The following FOXN3 variants were observed in gnomAD, a reference collection of about 807,000 sequenced individuals.
FOXN3 encodes the protein forkhead box protein N3.
FOXN3 carries 7 observed loss-of-function variants against 38.4 expected under a neutral mutation model. That is an observed-to-expected ratio of 0.18 (90% CI 0.10 to 0.34). The LOEUF is 0.34. FOXN3 is among the 10% of genes least tolerant of loss of function. The probability of loss-of-function intolerance (pLI) is 1.00; values close to 1 mark genes in which losing one functional copy is unlikely to be tolerated. For missense variants in FOXN3, 456 were observed against 613.4 expected (o/e 0.74, Z 2.71); for synonymous variants, 230 against 242.2 (o/e 0.95, Z 0.47).
At chr14:89,396,661 G>A (rs181269292) in intron 2 of FOXN3, among the ~76,000 whole-genome samples, 248 of 152,058 alleles carry the variant, frequency 1.6e-3, no homozygotes, top group African/African-American at 5.7e-3. Context: ...GTGAAACCCC[G>A]TCTCTACTAA....
intron 2 of FOXN3, among the ~76,000 whole-genome samples, chr14:89,386,534 T>C (rs1446894877): frequency 1.3e-5 from 2 of 152,168 alleles, no homozygotes; most frequent in African/African-American, 2.4e-5. Flanking sequence ...GTTTTGAGAA[T>C]TGAGAGATTA....
chr14:89,320,111 A>G (rs1171800673), intron 3 of FOXN3, among the ~76,000 whole-genome samples: 2 of 152,258 alleles, frequency 1.3e-5, no homozygotes, highest in African/African-American at 4.8e-5. Flanking sequence ...AGGGGAAGAT[A>G]GAGGTTACAG....
chr14:89,303,844 T>C (rs1023321161), intron 3 of FOXN3, among the ~76,000 whole-genome samples: 4 of 152,256 alleles, frequency 2.6e-5, no homozygotes, highest in African/African-American at 4.8e-5. Context: ...TCAGTGTATC[T>C]ACTTTAACTT....
chr14:89,610,176 C>A (rs1896360039), intron 1 of FOXN3, among the ~76,000 whole-genome samples: 1 of 151,814 alleles, frequency 6.6e-6, no homozygotes, highest in Admixed American at 6.6e-5. Flanking sequence ...GGTAGCAGAA[C>A]CTGCTGATGT....
At chr14:89,564,490 T>A (rs905003415) in intron 1 of FOXN3, among the ~76,000 whole-genome samples, 1 of 152,144 alleles carries the variant, frequency 6.6e-6, no homozygotes, top group Non-Finnish European at 1.5e-5. Context: ...TCGTTAATAA[T>A]ACATGGACGG....
At chr14:89,323,943 A>G (rs1213785248) in intron 3 of FOXN3, among the ~76,000 whole-genome samples, 2 of 152,152 alleles carry the variant, frequency 1.3e-5, no homozygotes, top group Non-Finnish European at 2.9e-5. Flanking sequence ...TTAGAGACTC[A>G]TTAGAGGCAG....
At position 89,235,895 on chromosome 14, in the gene FOXN3, T is replaced by C. The variant is rs190641469; in HGVS notation, c.745+45055A>G. Among the ~76,000 whole-genome samples, 10 of 138,082 alleles carry C rather than the reference T, an allele frequency of 7.2e-5. No individual in the cohort carries two copies. In the East Asian group the frequency reaches 1.5e-3, roughly 21 times the overall value. 90.6% of individuals were successfully genotyped at this position (138,082 alleles called of 152,430 possible). A position where few individuals can be genotyped will look rare whatever the true frequency, so the allele number is the denominator to read the frequency against. On this transcript the variant is annotated intron_variant, in intron 4 of 5. Coordinates refer to ENST00000557258, the MANE Select transcript of FOXN3 (RefSeq NM_005197.4). ...ATTTTGGAGTTCTGATCTCCAGAAC[T>C]GTAAGATTATAAATTTGTGTTGTTT...
intron 1 of FOXN3, among the ~76,000 whole-genome samples, chr14:89,593,770 A>G (rs201604449): frequency 6.6e-6 from 1 of 152,252 alleles, no homozygotes; most frequent in East Asian, 1.9e-4. Context: ...CCACACTCCC[A>G]GCTAATTATT....
intron 5 of FOXN3, among the ~76,000 whole-genome samples, chr14:89,166,054 T>A (rs1283438192): frequency 6.6e-6 from 1 of 152,224 alleles, no homozygotes; most frequent in Non-Finnish European, 1.5e-5. Flanking sequence ...ACAGTGCTGA[T>A]TCCTGGTGAA....
chr14:89,542,434 CA>C (rs2139849918), intron 1 of FOXN3, among the ~76,000 whole-genome samples: 1 of 152,294 alleles, frequency 6.6e-6, no homozygotes. Flanking sequence ...AGCCCTTGCT[CA>C]AAATGGAGTC....
At chr14:89,434,792 G>A (rs1892239685) in intron 1 of FOXN3, among the ~76,000 whole-genome samples, 1 of 152,174 alleles carries the variant, frequency 6.6e-6, no homozygotes, top group South Asian at 2.1e-4. Context: ...TCTCTTGAAG[G>A]TAATGCTTCC....
chr14:89,321,750 A>G (rs1887904341), intron 3 of FOXN3, among the ~76,000 whole-genome samples: 1 of 151,626 alleles, frequency 6.6e-6, no homozygotes, highest in Admixed American at 6.6e-5. Context: ...AGTACTTGAC[A>G]ACTGAGTTTC....
intron 1 of FOXN3, among the ~76,000 whole-genome samples, chr14:89,505,620 C>G (rs964661880): frequency 6.6e-6 from 1 of 151,958 alleles, no homozygotes; most frequent in Non-Finnish European, 1.5e-5. Context: ...GATCTCGGCT[C>G]GCTACAACCT....
At chr14:89,335,717 C>T (rs12886292) in intron 3 of FOXN3, among the ~76,000 whole-genome samples, 27,224 of 151,976 alleles carry the variant, frequency 0.18, 2,829 homozygotes, top group South Asian at 0.3. Flanking sequence ...TTACTGTGTA[C>T]AATATTAGAG....
intron 3 of FOXN3, among the ~76,000 whole-genome samples, chr14:89,304,323 T>G (rs1216081878): frequency 3.9e-5 from 6 of 151,958 alleles, no homozygotes; most frequent in South Asian, 4.2e-4. Flanking sequence ...GAAGGGGCGG[T>G]AAGGTTAGCA....
intron 3 of FOXN3, among the ~76,000 whole-genome samples, chr14:89,346,404 T>C (rs1888759579): frequency 6.6e-6 from 1 of 152,188 alleles, no homozygotes; most frequent in South Asian, 2.1e-4. Context: ...TGTAATAGAT[T>C]CTAAGACTTT....
At chr14:89,323,287 C>CAAAA (rs60059606) in intron 3 of FOXN3, among the ~76,000 whole-genome samples, 8 of 75,790 alleles carry the variant, frequency 1.1e-4, no homozygotes, top group Admixed American at 2.8e-4. Context: ...GACTCCATCT[C>CAAAA]AAAAAAAAAA....
chr14:89,224,245 T>C (rs1185595649), intron 4 of FOXN3, among the ~76,000 whole-genome samples: 1 of 152,204 alleles, frequency 6.6e-6, no homozygotes, highest in African/African-American at 2.4e-5. Context: ...ATAAGTTCGA[T>C]TTCCTTTACA....
intron 2 of FOXN3, among the ~76,000 whole-genome samples, chr14:89,409,681 G>A (rs2140095238): frequency 6.6e-6 from 1 of 152,270 alleles, no homozygotes; most frequent in Middle Eastern, 3.4e-3. Flanking sequence ...TTCTCAGTCT[G>A]GAATTGCTTT....
Sources: allele counts gnomAD v4.1 joint callset (sites outside exome capture counted in the v4.1 genomes callset), GRCh38; gene constraint gnomAD v4.1.1; transcripts MANE v1.5; gene names NCBI Gene and HGNC (gene_info 2026-07-23, HGNC 2026-07-21).